SGCZ: variants seen among roughly 807,000 people sequenced by gnomAD.
The protein encoded by SGCZ is zeta-sarcoglycan.
Under a neutral mutation model 41.3 loss-of-function variants are expected in SGCZ, and 40 were observed. The ratio of observed to expected loss-of-function variants is 0.97; its 90% CI spans 0.75 to 1.26. SGCZ has a LOEUF of 1.26. Ranked by LOEUF, SGCZ falls within the 50% of genes most tolerant of loss-of-function variation. The probability of loss-of-function intolerance (pLI) is 0.00; values close to 1 mark genes in which losing one functional copy is unlikely to be tolerated. For synonymous variants in SGCZ, 206 were observed against 137.5 expected (o/e 1.50, Z -3.49); for missense variants, 552 against 369.8 (o/e 1.49, Z -4.04).
chr8:14,943,203 A>G (rs1477613755), intron 1 of SGCZ, among the ~76,000 whole-genome samples: 1 of 152,198 alleles, frequency 6.6e-6, no homozygotes, highest in African/African-American at 2.4e-5. Context: ...ATTTCCAAAG[A>G]TAGAAAACAC....
chr8:14,759,001 T>G (rs992673132), intron 1 of SGCZ, among the ~76,000 whole-genome samples: 1 of 128,836 alleles, frequency 7.8e-6, no homozygotes, highest in African/African-American at 3.4e-5. Context: ...GGAGTGAAAC[T>G]CCATCTCAAA....
intron 1 of SGCZ, among the ~76,000 whole-genome samples, chr8:14,716,820 T>C (rs530666604): frequency 2.6e-5 from 4 of 152,244 alleles, no homozygotes; most frequent in South Asian, 2.1e-4. Flanking sequence ...TTTATGATAA[T>C]TCCACTTTGT....
intron 2 of SGCZ, among the ~76,000 whole-genome samples, chr8:14,461,099 G>T (rs1264566621): frequency 2.6e-5 from 4 of 152,110 alleles, no homozygotes; most frequent in Non-Finnish European, 5.9e-5. Flanking sequence ...TGGTGATTCA[G>T]AATGCTATCC....
At chr8:14,705,155 G>T (rs1321724420) in intron 1 of SGCZ, among the ~76,000 whole-genome samples, 1 of 151,862 alleles carries the variant, frequency 6.6e-6, no homozygotes, top group Non-Finnish European at 1.5e-5. Flanking sequence ...TAGACCTTAT[G>T]CACCTCATAA....
At chr8:14,841,065 G>T (rs952488887) in intron 1 of SGCZ, among the ~76,000 whole-genome samples, 1 of 151,660 alleles carries the variant, frequency 6.6e-6, no homozygotes, top group Admixed American at 6.6e-5. Flanking sequence ...CAATAAAATG[G>T]AGAACCAAAT....
At chr8:15,193,892 C>T (rs761024712) in intron 1 of SGCZ, among the ~76,000 whole-genome samples, 9 of 152,062 alleles carry the variant, frequency 5.9e-5, no homozygotes, top group Admixed American at 2.6e-4. Context: ...AGGCAAAATA[C>T]GAGCAATTGC....
chr8:15,194,137 T>C (rs1196290518), intron 1 of SGCZ, among the ~76,000 whole-genome samples: 1 of 151,774 alleles, frequency 6.6e-6, no homozygotes, highest in Admixed American at 6.6e-5. Context: ...TAGTACTTCT[T>C]ATCCAATGGG....
intron 2 of SGCZ, among the ~76,000 whole-genome samples, chr8:14,519,083 A>AG (rs1424082079): frequency 2.4e-4 from 37 of 151,656 alleles, no homozygotes; most frequent in Non-Finnish European, 5.2e-4. Flanking sequence ...AAAAAAAAAA[A>AG]AAGACAGAGA....
chr8:14,325,234 C>T (rs540305899), intron 2 of SGCZ, among the ~76,000 whole-genome samples: 6 of 151,928 alleles, frequency 3.9e-5, no homozygotes, highest in African/African-American at 7.2e-5. Context: ...TGCATAATTG[C>T]GTAGTAGTTT....
At chr8:15,105,832 A>C (rs1429231839) in intron 1 of SGCZ, among the ~76,000 whole-genome samples, 1 of 152,142 alleles carries the variant, frequency 6.6e-6, no homozygotes, top group African/African-American at 2.4e-5. Flanking sequence ...TATTTTTTTC[A>C]AATCCTTTTG....
intron 2 of SGCZ, among the ~76,000 whole-genome samples, chr8:14,344,574 C>T (rs769109055): frequency 1.3e-5 from 2 of 151,942 alleles, no homozygotes; most frequent in Non-Finnish European, 2.9e-5. Context: ...TAAATCTCTA[C>T]ACAATGCAAA....
intron 1 of SGCZ, among the ~76,000 whole-genome samples, chr8:14,563,211 T>C (rs140249238): frequency 6.6e-6 from 1 of 152,284 alleles, no homozygotes; most frequent in African/African-American, 2.4e-5. Context: ...GTCTGAGATT[T>C]AGGATACCTG....
intron 2 of SGCZ, among the ~76,000 whole-genome samples, chr8:14,433,521 G>C (rs1800004382): frequency 1.3e-5 from 2 of 152,108 alleles, no homozygotes; most frequent in Admixed American, 6.5e-5. Context: ...TTTAACAACA[G>C]GTAGAAATGT....
intron 2 of SGCZ, among the ~76,000 whole-genome samples, chr8:14,367,611 G>C (rs1803760148): frequency 6.6e-6 from 1 of 152,042 alleles, no homozygotes; most frequent in Non-Finnish European, 1.5e-5. Flanking sequence ...AGGAGGAAAG[G>C]TACATCTTCC....
intron 4 of SGCZ, among the ~76,000 whole-genome samples, chr8:14,219,899 G>C (rs1301788585): frequency 6.6e-6 from 1 of 152,132 alleles, no homozygotes; most frequent in Non-Finnish European, 1.5e-5. Flanking sequence ...TGCAGAAAAT[G>C]CTTTTCAAGA....
intron 1 of SGCZ, among the ~76,000 whole-genome samples, chr8:14,985,651 G>C (rs1801805193): frequency 2.0e-5 from 3 of 152,154 alleles, no homozygotes; most frequent in African/African-American, 4.8e-5. Context: ...GCAAGTCAAA[G>C]CATCCAGGAG....
chr8:15,220,516 T>A (rs1057224044), intron 1 of SGCZ, among the ~76,000 whole-genome samples: 1 of 152,068 alleles, frequency 6.6e-6, no homozygotes, highest in Non-Finnish European at 1.5e-5. Context: ...TCCTGAAGCA[T>A]CCAGTTTCAG....
intron 1 of SGCZ, among the ~76,000 whole-genome samples, chr8:15,225,569 C>T (rs939113791): frequency 6.6e-6 from 1 of 152,084 alleles, no homozygotes; most frequent in Non-Finnish European, 1.5e-5. Flanking sequence ...TCCAGAGAGC[C>T]TGGAAATTAG....
intron 1 of SGCZ, among the ~76,000 whole-genome samples, chr8:14,955,669 G>T (rs1323766016): frequency 1.3e-5 from 2 of 152,102 alleles, no homozygotes; most frequent in African/African-American, 2.4e-5. Flanking sequence ...ATATTTAATT[G>T]ACATGTAGAT....
Sources: allele counts gnomAD v4.1 joint callset (sites outside exome capture counted in the v4.1 genomes callset), GRCh38; gene constraint gnomAD v4.1.1; transcripts MANE v1.5; gene names NCBI Gene and HGNC (gene_info 2026-07-23, HGNC 2026-07-21).